The following DENND2A variants were observed in gnomAD, a reference collection of about 807,000 sequenced individuals.
The protein encoded by DENND2A is DENN domain-containing protein 2A.
Under a neutral mutation model 105.3 loss-of-function variants are expected in DENND2A, and 53 were observed. The observed-to-expected ratio is 0.50, with a 90% CI of 0.40 to 0.63. The LOEUF is 0.63. Among genes scored for constraint, DENND2A ranks in the 30% least tolerant of loss-of-function variants. DENND2A has a pLI of 0.00. For synonymous variants in DENND2A, 522 were observed against 508.4 expected (o/e 1.03, Z -0.36); for missense variants, 1,138 against 1,279.6 (o/e 0.89, Z 1.69).
intron 1 of DENND2A, among the ~76,000 whole-genome samples, chr7:140,624,613 C>T (rs1000466975): frequency 1.3e-5 from 2 of 152,162 alleles, no homozygotes; most frequent in Admixed American, 6.5e-5. Flanking sequence ...TTTCCATTGC[C>T]TCAGGGGACT....
intron 14 of DENND2A, among the ~76,000 whole-genome samples, chr7:140,540,693 C>A (rs4262257): frequency 0.033 from 4,994 of 151,716 alleles, 254 homozygotes; most frequent in African/African-American, 0.11. Flanking sequence ...TCAGACGTCA[C>A]TGGGGCAGGC....
At chr7:140,565,506 T>C (rs1413079923) in intron 9 of DENND2A, among the ~76,000 whole-genome samples, 1 of 152,190 alleles carries the variant, frequency 6.6e-6, no homozygotes, top group Non-Finnish European at 1.5e-5. Context: ...TGGTGGAACC[T>C]CTTTAATACT....
At chr7:140,624,012 C>T (rs141418089) in intron 1 of DENND2A, among the ~76,000 whole-genome samples, 267 of 152,342 alleles carry the variant, frequency 1.8e-3, no homozygotes, top group African/African-American at 6.1e-3. Context: ...CCTAACGCCC[C>T]GGCAGGGCCA....
In DENND2A at chr7:140,523,722, G is replaced by A. The variant is rs751449077; in HGVS notation, c.2548-298C>T. Among the ~76,000 whole-genome samples, 2 of 152,052 alleles carry A rather than the reference G, an allele frequency of 1.3e-5. No individual in the cohort carries two copies. The highest frequency in any genetic ancestry group is 2.9e-5 in the Non-Finnish European group (2 of 68,010). On this transcript the variant is annotated intron_variant, in intron 16 of 19. Transcript: ENST00000496613. This position sits in a 1 kb window ranked among gnomAD's most constrained non-coding sequence, Gnocchi z 4.5. ...CCCAAGTAGCTGGAACTACAGGCGC[G>A]TGCCACCGCTCCTGGCTAATGTTTT...
At position 140,601,417 on chromosome 7, in the gene DENND2A, G is replaced by C; in HGVS notation, c.981C>G (p.Ser327=). Residue 327 remains serine, a synonymous_variant, in exon 3 of 20, where the codon TCC becomes TCG. Transcript: ENST00000496613. The part of the protein sequence containing the change: ...NRRLWTGRQK[S]SADHRKSYEF... ...CCGGCACCTACCTGTGGTCTGCACTGGATTTCTGTCTCCCGGTCCACAGTC... is the reference window on the plus strand; with the variant it reads ...CCGGCACCTACCTGTGGTCTGCACTCGATTTCTGTCTCCCGGTCCACAGTC... 3 of 1,601,116 alleles carry C rather than the reference G, an allele frequency of 1.9e-6. No homozygotes were observed. Among genetic ancestry groups the C allele is most frequent in the Non-Finnish European group, 2.6e-6 (3 of 1,174,122 alleles).
At chr7:140,609,548 T>C (rs565435112) in intron 1 of DENND2A, among the ~76,000 whole-genome samples, 3 of 152,262 alleles carry the variant, frequency 2.0e-5, no homozygotes, top group East Asian at 3.9e-4. Context: ...AAAAATTAAT[T>C]AGACTAAAAA....
intron 14 of DENND2A, among the ~76,000 whole-genome samples, chr7:140,533,301 A>AT (rs1796334159): frequency 6.6e-6 from 1 of 151,966 alleles, no homozygotes; most frequent in East Asian, 1.9e-4. Flanking sequence ...GGCTACCTCC[A>AT]TTTTTACTTC....
intron 6 of DENND2A, among the ~76,000 whole-genome samples, chr7:140,571,980 ATC>A (rs58273598): frequency 0.52 from 77,054 of 148,300 alleles, 22,119 homozygotes; most frequent in African/African-American, 0.8. Context: ...CAGCAGAACC[ATC>A]TCTCTCTCTC....
chr7:140,564,900 CAG>C (rs1797777549), intron 9 of DENND2A, among the ~76,000 whole-genome samples: 1 of 152,132 alleles, frequency 6.6e-6, no homozygotes, highest in African/African-American at 2.4e-5. Context: ...TGAGCATACC[CAG>C]TGGCCTCTCT....
At chr7:140,544,038 C>T (rs556577075) in intron 14 of DENND2A, 25 of 163,788 alleles carry the variant, frequency 1.5e-4, no homozygotes, top group Admixed American at 4.5e-4. Flanking sequence ...GTTACAAGCA[C>T]GAGCCACCAT....
chr7:140,530,484 T>G (rs552316252), intron 14 of DENND2A, among the ~76,000 whole-genome samples: 1 of 152,122 alleles, frequency 6.6e-6, no homozygotes, highest in Non-Finnish European at 1.5e-5. Flanking sequence ...ATGGCATCCA[T>G]GCATCGCACT....
chr7:140,544,295 A>G (rs1460790294), intron 14 of DENND2A: 4 of 441,610 alleles, frequency 9.1e-6, no homozygotes, highest in Non-Finnish European at 1.7e-5. Context: ...CCCAGGTTCA[A>G]TCGATTCCCG....
chr7:140,546,501 C>T (rs748183218), intron 13 of DENND2A, among the ~76,000 whole-genome samples: 58 of 152,134 alleles, frequency 3.8e-4, no homozygotes, highest in Non-Finnish European at 7.1e-4. Flanking sequence ...TGAAAGAAAA[C>T]GGGCTATTAA....
intron 14 of DENND2A, among the ~76,000 whole-genome samples, chr7:140,529,956 A>C (rs1796201813): frequency 6.6e-6 from 1 of 152,010 alleles, no homozygotes; most frequent in Admixed American, 6.6e-5. Context: ...AACAAAACAA[A>C]ACAACAACAA....
chr7:140,567,143 G>A lies in DENND2A; in HGVS notation c.1722C>T (p.His574=), dbSNP rs1310314041. ...LFEYFVVVSL[H]KKQAGAAYVP... ...CGTAGGCAGCCCCGGCCTGCTTCTT[G>A]TGCAAAGACACAACCACAAAGTACT... The change falls in exon 9 of 20, where the codon CAC becomes CAT. Residue 574 remains histidine, a synonymous_variant. Transcript: ENST00000496613. 6.2e-7 allele frequency: 1 copy of A among 1,612,126 alleles called. No homozygotes were observed.
chr7:140,632,561 C>G (rs959125006), intron 1 of DENND2A, among the ~76,000 whole-genome samples: 1 of 152,150 alleles, frequency 6.6e-6, no homozygotes, highest in Non-Finnish European at 1.5e-5. Flanking sequence ...TAACAACTTA[C>G]TTTTAGTGCT....
intron 11 of DENND2A, 53 bp downstream of exon 11, chr7:140,558,090 C>G (rs2130565902): frequency 6.7e-7 from 1 of 1,500,260 alleles, no homozygotes; most frequent in South Asian, 1.2e-5. Context: ...GCTCTTGCAC[C>G]AGGACTAGGA....
At chr7:140,547,008 T>G in intron 12 of DENND2A, 69 bp from the exon 13 acceptor site, 1 of 1,552,954 alleles carries the variant, frequency 6.4e-7, no homozygotes, top group Non-Finnish European at 8.7e-7. Context: ...CAGTTCTAGG[T>G]GAAGTGGGCC....
intron 16 of DENND2A, among the ~76,000 whole-genome samples, chr7:140,524,004 A>T (rs1376387049): frequency 5.3e-5 from 8 of 152,266 alleles, no homozygotes; most frequent in South Asian, 2.1e-4. Context: ...CACTGAGAGG[A>T]TACTCAATAG....
Sources: gnomAD v4.1 joint callset for allele counts (sites outside exome capture counted in the v4.1 genomes callset) on GRCh38, gnomAD v4.1.1 for gene constraint, Gnocchi (gnomAD v3.1) non-coding constraint, MANE v1.5 for transcripts, NCBI Gene and HGNC (gene_info 2026-07-23, HGNC 2026-07-21) for gene names.